SECTM1: variants seen among roughly 807,000 people sequenced by gnomAD.
The protein encoded by SECTM1 is secreted and transmembrane 1.
In SECTM1, 10 loss-of-function variants were observed where a neutral mutation model predicts 18.1. That is an observed-to-expected ratio of 0.55 (90% CI 0.34 to 0.94). The LOEUF (loss-of-function observed/expected upper bound fraction) is 0.94, where lower values mean the gene tolerates loss of function less well. Ranked by LOEUF, SECTM1 falls within the 40% of genes least tolerant of loss-of-function variation. The pLI, the probability that SECTM1 is intolerant of heterozygous loss-of-function variation, is 0.02. For synonymous variants in SECTM1, 137 were observed against 139.2 expected (o/e 0.98, Z 0.11); for missense variants, 297 against 322.6 (o/e 0.92, Z 0.61).
In SECTM1 at chr17:82,322,894, G is replaced by C. The variant is rs142343866; in HGVS notation, c.521C>G (p.Ser174Cys). 1 of 1,613,774 alleles carries C rather than the reference G, an allele frequency of 6.2e-7. No homozygotes were observed. Among genetic ancestry groups the C allele is most frequent in the African/African-American group, 1.3e-5 (1 of 75,014 alleles). The change falls in exon 4 of 5, where the codon TCC becomes TGC. Residue 174 changes from serine (S) to cysteine (C), a missense_variant. Coordinates refer to ENST00000269389, the MANE Select transcript of SECTM1 (RefSeq NM_003004.3). ...VMFAWYRCRC[S>C]QQRREKKFFL... ...GCCTCCTACCTCCCGGCGTTGCTGGGAACAGCGGCACCTGTACCAGGCGAA... is the reference window on the plus strand; with the variant it reads ...GCCTCCTACCTCCCGGCGTTGCTGGCAACAGCGGCACCTGTACCAGGCGAA...
intron 1 of SECTM1, among the ~76,000 whole-genome samples, chr17:82,332,811 G>A (rs1387420055): frequency 2.0e-5 from 3 of 152,152 alleles, no homozygotes; most frequent in African/African-American, 7.2e-5. Context: ...CTCCCGCTCT[G>A]GGCTCAGCAG....
chr17:82,328,509 A>G lies in SECTM1; in HGVS notation c.-52-1217T>C, dbSNP rs1231529303. ...ACGCAGGAGCTCAGCCTTGCACAGGAGACTACCCTAACCTAACCCCAACCC... is the reference window on the plus strand; with the variant it reads ...ACGCAGGAGCTCAGCCTTGCACAGGGGACTACCCTAACCTAACCCCAACCC... On this transcript the variant is annotated intron_variant, in intron 1 of 4. Transcript: ENST00000269389. The surrounding 1 kb of genome is among the most constrained non-coding windows in gnomAD (Gnocchi z 5.8). 1 of 152,336 alleles carries G rather than the reference A, an allele frequency of 6.6e-6. No individual in the cohort carries two copies. Among genetic ancestry groups the G allele is most frequent in the Non-Finnish European group, 1.5e-5 (1 of 68,138 alleles). 9.4% of individuals were successfully genotyped at this position (152,336 alleles called of 1,614,324 possible). A position where few individuals can be genotyped will look rare whatever the true frequency, so the allele number is the denominator to read the frequency against.
chr17:82,329,056 C>T lies in SECTM1; in HGVS notation c.-52-1764G>A, dbSNP rs898503218. On this transcript the variant is annotated intron_variant, in intron 1 of 4. Coordinates refer to ENST00000269389, the MANE Select transcript of SECTM1 (RefSeq NM_003004.3). This position sits in a 1 kb window ranked among gnomAD's most constrained non-coding sequence, Gnocchi z 7.6. ...CACCAGAAAGTGTCACAGCAGGACA[C>T]GTCACCAACCCCGGGGACCCCATGT... Among the ~76,000 whole-genome samples, 13 of 152,202 alleles carry T rather than the reference C, an allele frequency of 8.5e-5. No individual in the cohort carries two copies. The highest frequency in any genetic ancestry group is 2.9e-4 in the African/African-American group (12 of 41,448).
intron 1 of SECTM1, among the ~76,000 whole-genome samples, chr17:82,327,524 G>A (rs751088239): frequency 7.2e-5 from 11 of 152,314 alleles, no homozygotes; most frequent in Admixed American, 3.9e-4. Context: ...AGAGTTGCCC[G>A]CAGCACAGCG....
At chr17:82,327,003 T>A in intron 2 of SECTM1, 144 bp downstream of exon 2, 1 of 617,924 alleles carries the variant, frequency 1.6e-6, no homozygotes, top group Non-Finnish European at 2.8e-6. Context: ...CAGCTCCACA[T>A]GGTCAGGCCC....
At chr17:82,333,367 G>GCAGGGA (rs2052207626) in intron 1 of SECTM1, among the ~76,000 whole-genome samples, 1 of 152,148 alleles carries the variant, frequency 6.6e-6, no homozygotes, top group Non-Finnish European at 1.5e-5. Context: ...GGCGCACAGG[G>GCAGGGA]CAGGGACGCG....
In SECTM1 at chr17:82,321,959, G is replaced by T; in HGVS notation, c.*202C>A. On this transcript the variant is annotated 3_prime_UTR_variant, in exon 5 of 5. Coordinates refer to ENST00000269389, the MANE Select transcript of SECTM1 (RefSeq NM_003004.3). ...GCGGAGGTGAGGTGGTTCCATTTTG[G>T]AAACTGAGGAAGCAGAGCTTGGAAG... 1 of 578,724 alleles carries T rather than the reference G, an allele frequency of 1.7e-6. No individual in the cohort carries two copies. Among genetic ancestry groups the T allele is most frequent in the Non-Finnish European group, 3.1e-6 (1 of 326,312 alleles). 35.8% of individuals were successfully genotyped at this position (578,724 alleles called of 1,614,324 possible). A position where few individuals can be genotyped will look rare whatever the true frequency, so the allele number is the denominator to read the frequency against.
In SECTM1 at chr17:82,327,133, G is replaced by GC; in HGVS notation, c.94+13dup. ...CCCCTTTCCCCAGCAGAGAGGCGGG[G>GC]CCCCGAGACCTACCTTCATTCTGAG... is the stretch of plus-strand genomic sequence containing the variant. On this transcript the variant is annotated intron_variant, in intron 2 of 4. Coordinates refer to ENST00000269389, the MANE Select transcript of SECTM1 (RefSeq NM_003004.3). 6.3e-7 allele frequency: 1 copy of GC among 1,587,942 alleles called. No homozygotes were observed. The highest frequency in any genetic ancestry group is 8.6e-7 in the Non-Finnish European group (1 of 1,164,344).
At position 82,324,881 on chromosome 17, in the gene SECTM1, C is replaced by T. The variant is rs1428319666; in HGVS notation, c.104G>A (p.Ser35Asn). The T allele has an allele frequency of 6.2e-7, 1 of 1,608,560 alleles. No individual in the cohort carries two copies. The highest frequency in any genetic ancestry group is 8.5e-7 in the Non-Finnish European group (1 of 1,176,758). Residue 35 changes from serine (S) to asparagine (N), a missense_variant, in exon 3 of 5, where the codon AGC becomes AAC. Coordinates refer to ENST00000269389, the MANE Select transcript of SECTM1 (RefSeq NM_003004.3). ...GACTACCCCCTCTGTGCAGATGGGG[C>T]TGTCCCAGCCTGTAGGGCCAGACAG... ...SLSAQNEGWD[S>N]PICTEGVVSV...
intron 1 of SECTM1, 36 bp from the exon 2 acceptor site, chr17:82,327,328 G>A (rs2052155415): frequency 1.6e-6 from 2 of 1,221,758 alleles, no homozygotes; most frequent in East Asian, 5.2e-5. Flanking sequence ...AGAGCCCCCT[G>A]CAGCTGCTGA....
chr17:82,322,675 G>A (rs1469940074), intron 4 of SECTM1, among the ~76,000 whole-genome samples: 2 of 152,172 alleles, frequency 1.3e-5, no homozygotes, highest in South Asian at 4.1e-4. Context: ...GAAGGGCAGG[G>A]CGGGTCTGGG....
chr17:82,327,029 A>G, intron 2 of SECTM1, 118 bp downstream of exon 2: 2 of 742,214 alleles, frequency 2.7e-6, no homozygotes, highest in Non-Finnish European at 4.6e-6. Context: ...CTGCAGAGTC[A>G]GTCATTATCG....
intron 3 of SECTM1, 71 bp downstream of exon 3, chr17:82,324,511 G>GCC: frequency 3.4e-6 from 2 of 592,682 alleles, no homozygotes; most frequent in South Asian, 3.5e-5. Flanking sequence ...CCCTCCCCCT[G>GCC]CCCAGGCCCC....
At position 82,330,566 on chromosome 17, in the gene SECTM1, ACGCACCTGGCTTCATGCCAAGCTCCT is replaced by A. The variant is rs1172971548; in HGVS notation, c.-53+3108_-53+3133del. Among the ~76,000 whole-genome samples the A allele has an allele frequency of 6.6e-6, 1 of 152,126 alleles. No homozygotes were observed. The highest frequency in any genetic ancestry group is 1.9e-4 in the East Asian group (1 of 5,182). On this transcript the variant is annotated intron_variant, in intron 1 of 4. Coordinates refer to ENST00000269389, the MANE Select transcript of SECTM1 (RefSeq NM_003004.3). The surrounding 1 kb of genome is among the most constrained non-coding windows in gnomAD (Gnocchi z 6.1). ...CTGGAGGCCCCCAAGGGCCAGCTGC[ACGCACCTGGCTTCATGCCAAGCTCCT>A]CCCGCCTGGCAGTGGCTGCATCTGC...
At position 82,330,231 on chromosome 17, in the gene SECTM1, C is replaced by T. The variant is rs904883701; in HGVS notation, c.-52-2939G>A. On this transcript the variant is annotated intron_variant, in intron 1 of 4. Transcript: ENST00000269389. The surrounding 1 kb of genome is among the most constrained non-coding windows in gnomAD (Gnocchi z 6.1). ...TCCCCCACTGCTCTCCGCACCACCCCGCCGACCGTGTCCGGGAGGGGATGC... is the reference window on the plus strand; with the variant it reads ...TCCCCCACTGCTCTCCGCACCACCCTGCCGACCGTGTCCGGGAGGGGATGC... Among the ~76,000 whole-genome samples the T allele has an allele frequency of 3.9e-5, 6 of 152,200 alleles. No individual in the cohort carries two copies. Among genetic ancestry groups the T allele is most frequent in the African/African-American group, 7.2e-5 (3 of 41,456 alleles).
rs2147268576 is a variant in SECTM1, at chr17:82,326,775, C to CT, written c.94+371dup. Among the ~76,000 whole-genome samples the CT allele has an allele frequency of 6.6e-6, 1 of 152,306 alleles. No individual in the cohort carries two copies. The highest frequency in any genetic ancestry group is 1.9e-4 in the East Asian group (1 of 5,186). ...CTAAGGAGCCCCCAGGCCAGGGCTG[C>CT]TGTCTGTTCCCGGCCATGGCACAGG... On this transcript the variant is annotated intron_variant, in intron 2 of 4. Transcript: ENST00000269389. This position sits in a 1 kb window ranked among gnomAD's most constrained non-coding sequence, Gnocchi z 4.3.
At position 82,324,049 on chromosome 17, in the gene SECTM1, C is replaced by T. The variant is rs1019536448; in HGVS notation, c.403+533G>A. Among the ~76,000 whole-genome samples the T allele has an allele frequency of 2.6e-5, 4 of 151,928 alleles. No individual in the cohort carries two copies. The East Asian group carries it at 7.7e-4, about 29-fold the overall frequency. ...GTTCGTGGTCACTAAGGGTGCTGCGCGGGCGACCTTGAGCACCTCTGGGTG... is the reference window on the plus strand; with the variant it reads ...GTTCGTGGTCACTAAGGGTGCTGCGTGGGCGACCTTGAGCACCTCTGGGTG... On this transcript the variant is annotated intron_variant, in intron 3 of 4. Transcript: ENST00000269389.
intron 1 of SECTM1, among the ~76,000 whole-genome samples, chr17:82,327,501 G>A (rs765889510): frequency 1.4e-4 from 21 of 152,316 alleles, no homozygotes; most frequent in Admixed American, 6.5e-4. Flanking sequence ...GAAGACACGC[G>A]GGGGCGGGAG....
chr17:82,333,482 A>ACGGTCCCAGAGGCAGAGGCGCCG, intron 1 of SECTM1, among the ~76,000 whole-genome samples: 1 of 150,056 alleles, frequency 6.7e-6, no homozygotes, highest in Non-Finnish European at 1.5e-5. Context: ...GCGGGGGGTG[A>ACGGTCCCAGAGGCAGAGGCGCCG]CGGTCCCAGA....
Sources: gnomAD v4.1 joint callset for allele counts (sites outside exome capture counted in the v4.1 genomes callset) on GRCh38, gnomAD v4.1.1 for gene constraint, Gnocchi (gnomAD v3.1) non-coding constraint, MANE v1.5 for transcripts, NCBI Gene and HGNC (gene_info 2026-07-23, HGNC 2026-07-21) for gene names.